PRDM11: variants seen among roughly 807,000 people sequenced by gnomAD.
PRDM11 encodes the protein PR domain-containing protein 11.
In PRDM11, 20 loss-of-function variants were observed where a neutral mutation model predicts 97.8. The ratio of observed to expected loss-of-function variants is 0.20; its 90% CI spans 0.14 to 0.30. The LOEUF (loss-of-function observed/expected upper bound fraction) is 0.30. Among genes scored for constraint, PRDM11 ranks in the 10% least tolerant of loss-of-function variants. The pLI, the probability that PRDM11 is intolerant of heterozygous loss-of-function variation, is 1.00. For synonymous variants in PRDM11, 599 were observed against 637.7 expected (o/e 0.94, Z 0.91); for missense variants, 1,139 against 1,555.2 (o/e 0.73, Z 4.50).
At chr11:45,175,240 G>C (rs1039979050) in intron 1 of PRDM11, among the ~76,000 whole-genome samples, 24 of 152,138 alleles carry the variant, frequency 1.6e-4, no homozygotes, top group Non-Finnish European at 5.9e-5. Flanking sequence ...TTCCATTGTA[G>C]TATCATACAG....
At chr11:45,178,774 C>T (rs1037084807) in intron 1 of PRDM11, among the ~76,000 whole-genome samples, 2 of 152,194 alleles carry the variant, frequency 1.3e-5, no homozygotes, top group Non-Finnish European at 2.9e-5. Context: ...AGCGTATGAC[C>T]CTCAGAGTGA....
At position 45,182,364 on chromosome 11, in the gene PRDM11, G is replaced by C. The variant is rs779687427; in HGVS notation, c.223+15G>C. 1 of 1,606,098 alleles carries C rather than the reference G, an allele frequency of 6.2e-7. No individual in the cohort carries two copies. The highest frequency in any genetic ancestry group is 8.5e-7 in the Non-Finnish European group (1 of 1,173,570). ...GGACTTCTGGTGTAAGTGGAGCTTG[G>C]GGCTCTGGGCTGCTCCTCCCTTCAC... On this transcript the variant is annotated intron_variant, in intron 3 of 7. Coordinates refer to ENST00000683152, the MANE Select transcript of PRDM11 (RefSeq NM_001384648.1).
chr11:45,172,704 T>C (rs1852230109), intron 1 of PRDM11, among the ~76,000 whole-genome samples: 1 of 152,212 alleles, frequency 6.6e-6, no homozygotes, highest in African/African-American at 2.4e-5. Context: ...TAACATTGTA[T>C]AAGGCATTAT....
rs114373275 is a variant in PRDM11 at position 45,132,379 on chromosome 11, C to T, written c.96+36478C>T. ...AGGCATAAACCAAGCTCTGAACTTG[C>T]TCATAACCCTCACCTCTGGGTAGTA... On this transcript the variant is annotated intron_variant, in intron 1 of 6. Transcript: ENST00000530656. 4.4e-3 allele frequency among the ~76,000 whole-genome samples: 671 copies of T among 152,294 alleles called. 7 individuals are homozygous for T. The highest frequency in any genetic ancestry group is 0.015 in the African/African-American group (615 of 41,542).
chr11:45,173,332 A>G (rs1332540639), intron 1 of PRDM11, among the ~76,000 whole-genome samples: 1 of 152,162 alleles, frequency 6.6e-6, no homozygotes. Context: ...AACACATAAA[A>G]AAGTTCTGGC....
intron 1 of PRDM11, among the ~76,000 whole-genome samples, chr11:45,136,676 A>G (rs1852853857): frequency 6.6e-6 from 1 of 152,166 alleles, no homozygotes; most frequent in Non-Finnish European, 1.5e-5. Flanking sequence ...ATCATTTTCC[A>G]AACCTTATTA....
At chr11:45,123,122 T>C (rs1852478724) in intron 1 of PRDM11, among the ~76,000 whole-genome samples, 1 of 152,306 alleles carries the variant, frequency 6.6e-6, no homozygotes, top group South Asian at 2.1e-4. Context: ...CATGTGTTTT[T>C]TGGCTGCATA....
At position 45,126,794 on chromosome 11, in the gene PRDM11, T is replaced by C. The variant is rs571047019; in HGVS notation, c.96+30893T>C. Reference sequence around the variant, plus strand: ...ATTGTTTCCTTCATTTCAACTTTGGTGAATCTGACAATTATGTGTCTTGGA... The same window carrying C: ...ATTGTTTCCTTCATTTCAACTTTGGCGAATCTGACAATTATGTGTCTTGGA... On this transcript the variant is annotated intron_variant, in intron 1 of 6. Transcript: ENST00000530656. 7.9e-5 allele frequency among the ~76,000 whole-genome samples: 12 copies of C among 152,312 alleles called. No homozygotes were observed. The South Asian group carries it at 2.5e-3, about 32-fold the overall frequency.
chr11:45,200,954 A>C (rs562221069), intron 4 of PRDM11, among the ~76,000 whole-genome samples: 119 of 152,280 alleles, frequency 7.8e-4, no homozygotes, highest in Non-Finnish European at 1.5e-3. Context: ...TCATGTAAAC[A>C]TGCATAGTGG....
intron 1 of PRDM11, among the ~76,000 whole-genome samples, chr11:45,180,876 C>T (rs893208952): frequency 1.3e-5 from 2 of 151,894 alleles, no homozygotes; most frequent in African/African-American, 4.8e-5. Flanking sequence ...CCCGGCCCTG[C>T]TGGCTCGGAG....
At chr11:45,104,472 CTGAG>C (rs1036133638) in intron 1 of PRDM11, among the ~76,000 whole-genome samples, 20 of 152,170 alleles carry the variant, frequency 1.3e-4, no homozygotes, top group Non-Finnish European at 8.8e-5. Flanking sequence ...GCTGTGATAG[CTGAG>C]TGAGACCATG....
In PRDM11 at chr11:45,234,274, A is replaced by G. The variant is rs1565364208; in HGVS notation, c.*6115A>G. On this transcript the variant is annotated 3_prime_UTR_variant, in exon 8 of 8. Transcript: ENST00000683152. ...AGGCACCAGATGATGGAGCAAGGGCAGCTGCATGCTCCCTCTCTCCAGACC... is the reference window on the plus strand; with the variant it reads ...AGGCACCAGATGATGGAGCAAGGGCGGCTGCATGCTCCCTCTCTCCAGACC... 2.0e-5 allele frequency: 3 copies of G among 152,306 alleles called. No homozygotes were observed. Among genetic ancestry groups the G allele is most frequent in the African/African-American group, 7.2e-5 (3 of 41,458 alleles). The allele number at this position is 152,306 out of a possible 1,614,324, so 9.4% of individuals were successfully genotyped here.
At chr11:45,161,131 ACAG>A (rs3052139) in intron 1 of PRDM11, among the ~76,000 whole-genome samples, 60,695 of 151,888 alleles carry the variant, frequency 0.4, 12,832 homozygotes, top group Non-Finnish European at 0.48. Flanking sequence ...AATAGAGATA[ACAG>A]CAGCACCTAC....
chr11:45,158,363 CCCCTGCCTCCCT>C (rs1445303008), intron 1 of PRDM11, among the ~76,000 whole-genome samples: 1 of 152,212 alleles, frequency 6.6e-6, no homozygotes, highest in African/African-American at 2.4e-5. Context: ...GGTGGCCCAG[CCCCTGCCTCCCT>C]CCCTGCAGCT....
chr11:45,206,083 C>G (rs1005608377), intron 5 of PRDM11, among the ~76,000 whole-genome samples: 3 of 152,194 alleles, frequency 2.0e-5, no homozygotes, highest in Non-Finnish European at 4.4e-5. Context: ...TTCTCACTGC[C>G]ACGGGGTCCA....
intron 4 of PRDM11, among the ~76,000 whole-genome samples, chr11:45,189,403 T>G (rs888390394): frequency 1.4e-4 from 21 of 152,286 alleles, no homozygotes; most frequent in African/African-American, 4.3e-4. Flanking sequence ...ATGACCTCTA[T>G]CTGCACTTTT....
In PRDM11 at chr11:45,127,515, G is replaced by T. The variant is rs1167157279; in HGVS notation, c.96+31614G>T. ...ATGGTGATGTACAGATGGGTTTTTG[G>T]TGTGGATGTCCTTTCTGTTTGTTAG... On this transcript the variant is annotated intron_variant, in intron 1 of 6. Coordinates refer to the PRDM11 transcript ENST00000530656. Among the ~76,000 whole-genome samples the T allele has an allele frequency of 1.3e-5, 2 of 152,126 alleles. 1 individual carries two copies. The highest frequency in any genetic ancestry group is 2.9e-5 in the Non-Finnish European group (2 of 68,032).
At chr11:45,124,232 G>A (rs1307612815) in intron 1 of PRDM11, among the ~76,000 whole-genome samples, 1 of 151,950 alleles carries the variant, frequency 6.6e-6, no homozygotes, top group Non-Finnish European at 1.5e-5. Context: ...TTATCAGCTT[G>A]AGATTTTGGG....
chr11:45,135,898 T>C (rs1261996363), intron 1 of PRDM11, among the ~76,000 whole-genome samples: 1 of 152,172 alleles, frequency 6.6e-6, no homozygotes, highest in African/African-American at 2.4e-5. Flanking sequence ...AAAAATGAGC[T>C]ATCAAAAACA....
Sources: allele counts gnomAD v4.1 joint callset (sites outside exome capture counted in the v4.1 genomes callset), GRCh38; gene constraint gnomAD v4.1.1; transcripts MANE v1.5; gene names NCBI Gene and HGNC (gene_info 2026-07-23, HGNC 2026-07-21).